SLC12A7: variants seen among roughly 807,000 people sequenced by gnomAD.
The protein encoded by SLC12A7 is solute carrier family 12 member 7.
SLC12A7 carries 100 observed loss-of-function variants against 120.6 expected under a neutral mutation model. That is an observed-to-expected ratio of 0.83 (90% CI 0.71 to 0.98). SLC12A7 has a LOEUF of 0.98. Ranked by LOEUF, SLC12A7 falls within the 50% of genes least tolerant of loss-of-function variation. SLC12A7 has a pLI of 0.00. For missense variants in SLC12A7, 1,373 were observed against 1,548.1 expected (o/e 0.89, Z 1.90); for synonymous variants, 760 against 678.0 (o/e 1.12, Z -1.88).
chr5:1,056,592 A>G (rs1381442349), intron 22 of SLC12A7: 1 of 985,366 alleles, frequency 1.0e-6, no homozygotes, highest in African/African-American at 1.7e-5. Context: ...AGGTTTCCCC[A>G]TTCTCTATGC....
At chr5:1,099,884 C>T (rs1292394370) in intron 1 of SLC12A7, among the ~76,000 whole-genome samples, 3 of 152,234 alleles carry the variant, frequency 2.0e-5, no homozygotes, top group Non-Finnish European at 4.4e-5. Flanking sequence ...GTGTACGGGG[C>T]AGGAGTGCGC....
intron 23 of SLC12A7, 122 bp from the exon 24 acceptor site, chr5:1,052,573 C>G: frequency 1.2e-6 from 1 of 812,294 alleles, no homozygotes; most frequent in African/African-American, 1.7e-5. Context: ...AACCCAGAGC[C>G]AAGGTGAAAA....
chr5:1,137,222 C>T, the SLC12A7 span, among the ~76,000 whole-genome samples: 1 of 152,146 alleles, frequency 6.6e-6, no homozygotes, highest in East Asian at 1.9e-4. Flanking sequence ...GGCGGGGCCA[C>T]CTGTGCCCTC....
chr5:1,108,729 G>A (rs188406976), intron 1 of SLC12A7, among the ~76,000 whole-genome samples: 59 of 152,376 alleles, frequency 3.9e-4, no homozygotes, highest in Non-Finnish European at 7.2e-4. Context: ...GGGCAGTGCA[G>A]AGCATGGCAC....
At position 1,088,968 on chromosome 5, in the gene SLC12A7, C is replaced by T. The variant is rs771094389; in HGVS notation, c.489+14G>A. 5.1e-5 allele frequency: 82 copies of T among 1,612,370 alleles called. No homozygotes were observed. The highest frequency in any genetic ancestry group is 1.1e-4 in the East Asian group (5 of 44,892). The stretch of plus-strand genomic sequence containing the variant: ...GCCCGAAGGCACAGCCACACCTGGC[C>T]GGGGGAGACTCACACATGTGCAGCA... On this transcript the variant is annotated intron_variant, in intron 4 of 23. Transcript: ENST00000264930.
chr5:1,150,123 G>A, the SLC12A7 span, among the ~76,000 whole-genome samples: 1 of 152,194 alleles, frequency 6.6e-6, no homozygotes, highest in East Asian at 1.9e-4. Context: ...TGTTGCTGTT[G>A]AGTTGTAGGA....
At chr5:1,083,722 A>C (rs753265177) in intron 8 of SLC12A7, 23 bp downstream of exon 8, 1 of 1,606,232 alleles carries the variant, frequency 6.2e-7, no homozygotes, top group Non-Finnish European at 8.5e-7. Flanking sequence ...CCCCAGCTCC[A>C]GCTGCAGCCC....
At chr5:1,112,246 C>A (rs372176471), upstream of SLC12A7, among the ~76,000 whole-genome samples, 1 of 151,752 alleles carries the variant, frequency 6.6e-6, no homozygotes, top group African/African-American at 2.4e-5. Flanking sequence ...CCTGCGCTCC[C>A]GACCATCGCA....
Position 1,076,549 on chromosome 5 carries a change from G to A in SLC12A7, c.1748+145C>T, listed in dbSNP as rs113723669. The A allele has an allele frequency of 0.01, 6,817 of 674,056 alleles. 317 individuals carry two copies. In the African/African-American group the frequency reaches 0.1, roughly 10 times the overall value. The allele number at this position is 674,056 out of a possible 1,614,324, so 41.8% of individuals were successfully genotyped here. On this transcript the variant is annotated intron_variant, in intron 13 of 23. Coordinates refer to ENST00000264930, the MANE Select transcript of SLC12A7 (RefSeq NM_006598.3). Reference sequence around the variant, plus strand: ...GGCCTGTGTACTTGTCTTCCCCGGCGCAACTCCCTTCCCGGCAGGATCCTG... The same window carrying A: ...GGCCTGTGTACTTGTCTTCCCCGGCACAACTCCCTTCCCGGCAGGATCCTG...
chr5:1,081,869 G>A lies in SLC12A7; in HGVS notation c.1130-125C>T, dbSNP rs138746468. On this transcript the variant is annotated intron_variant, in intron 8 of 23. Transcript: ENST00000264930. ...GGGGAAGGGTCACAGCTTGTGCGCC[G>A]CAAGCAGGCTCCAATTCAAACACGC... is the stretch of plus-strand genomic sequence containing the variant. The A allele has an allele frequency of 6.6e-3, 7,207 of 1,095,950 alleles. 37 individuals are homozygous for A. Among genetic ancestry groups the A allele is most frequent in the Non-Finnish European group, 7.9e-3 (6,050 of 766,632 alleles). The allele number at this position is 1,095,950 out of a possible 1,614,324, so 67.9% of individuals were successfully genotyped here.
At chr5:1,073,902 T>C (rs1421726818) in intron 16 of SLC12A7, 101 bp from the exon 17 acceptor site, 6 of 1,165,556 alleles carry the variant, frequency 5.1e-6, no homozygotes, top group Non-Finnish European at 6.7e-6. Context: ...ACGACACAGG[T>C]GGGACGGGAG....
At chr5:1,064,335 G>A (rs748319707) in intron 18 of SLC12A7, 83 bp from the exon 19 acceptor site, 645 of 1,478,264 alleles carry the variant, frequency 4.4e-4, no homozygotes, top group Non-Finnish European at 5.3e-4. Flanking sequence ...GCCAGTGCAG[G>A]GGCGGGCACG....
At chr5:1,134,767 G>A in the SLC12A7 span, among the ~76,000 whole-genome samples, 2 of 152,138 alleles carry the variant, frequency 1.3e-5, no homozygotes, top group South Asian at 2.1e-4. Context: ...GAATCAGCCC[G>A]AGAGGTGGTG....
the SLC12A7 span, among the ~76,000 whole-genome samples, chr5:1,153,447 G>C: frequency 6.6e-6 from 1 of 152,228 alleles, no homozygotes; most frequent in East Asian, 1.9e-4. Flanking sequence ...GGCCTCTGGG[G>C]GGGTCCATGG....
chr5:1,111,614 G>A (rs1321994072), intron 1 of SLC12A7, among the ~76,000 whole-genome samples: 3 of 152,176 alleles, frequency 2.0e-5, no homozygotes, highest in Non-Finnish European at 4.4e-5. Context: ...TACCAGCAGC[G>A]GCGTCCACAC....
chr5:1,097,831 A>G (rs2150890783), intron 1 of SLC12A7, among the ~76,000 whole-genome samples: 1 of 152,262 alleles, frequency 6.6e-6, no homozygotes, highest in South Asian at 2.1e-4. Flanking sequence ...AAGCCTTTAA[A>G]GAGAACGCAT....
chr5:1,063,555 C>G (rs1200144977), intron 20 of SLC12A7, among the ~76,000 whole-genome samples: 1 of 152,132 alleles, frequency 6.6e-6, no homozygotes, highest in Non-Finnish European at 1.5e-5. Flanking sequence ...CAAAACCAAG[C>G]CTCCTTGACC....
the SLC12A7 span, among the ~76,000 whole-genome samples, chr5:1,147,297 C>G: frequency 6.9e-6 from 1 of 145,978 alleles, no homozygotes; most frequent in African/African-American, 2.5e-5. Context: ...CTGACCCACA[C>G]TAACTCCAAA....
the SLC12A7 span, among the ~76,000 whole-genome samples, chr5:1,122,920 G>A: frequency 2.0e-4 from 31 of 152,230 alleles, no homozygotes; most frequent in Admixed American, 7.9e-4. Context: ...TGTGTGAAGC[G>A]CCCCACGTGC....
Sources: allele counts gnomAD v4.1 joint callset (sites outside exome capture counted in the v4.1 genomes callset), GRCh38; gene constraint gnomAD v4.1.1; transcripts MANE v1.5; gene names NCBI Gene and HGNC (gene_info 2026-07-23, HGNC 2026-07-21).